Variants in AFDN observed in about 807,000 individuals in gnomAD.
AFDN encodes afadin, adherens junction formation factor, also known as afadin.
A neutral mutation model predicts 216.6 loss-of-function variants in AFDN; 68 were observed. That is an observed-to-expected ratio of 0.31 (90% CI 0.26 to 0.38). The LOEUF (loss-of-function observed/expected upper bound fraction) is 0.38. Among genes scored for constraint, AFDN ranks in the 10% least tolerant of loss-of-function variants. The probability of loss-of-function intolerance (pLI) is 1.00; values close to 1 mark genes in which losing one functional copy is unlikely to be tolerated. For missense variants in AFDN, 2,136 were observed against 2,342.0 expected (o/e 0.91, Z 1.82); for synonymous variants, 868 against 853.7 (o/e 1.02, Z -0.29).
intron 7 of AFDN, among the ~76,000 whole-genome samples, chr6:167,890,607 A>G (rs1335200096): frequency 6.6e-6 from 1 of 151,360 alleles, no homozygotes. Context: ...CAAGCTTATG[A>G]TGTCTTTCGG....
rs185079266 is a variant in AFDN at position 167,862,615 on chromosome 6, T to A, written c.106-1936T>A. ...GTCTCGAACTCCTGATCTCAGGTGA[T>A]CCGCCCACCTCGGCCTCCCGAAGTG... is the stretch of plus-strand genomic sequence containing the variant. On this transcript the variant is annotated intron_variant, in intron 1 of 33. Transcript: ENST00000683244. 4.6e-5 allele frequency among the ~76,000 whole-genome samples: 7 copies of A among 152,340 alleles called. No individual in the cohort carries two copies. The East Asian group carries it at 1.3e-3, about 29-fold the overall frequency.
intron 22 of AFDN, among the ~76,000 whole-genome samples, chr6:167,924,224 C>G (rs1256046840): frequency 6.6e-6 from 1 of 152,174 alleles, no homozygotes; most frequent in Non-Finnish European, 1.5e-5. Flanking sequence ...TGGCAAGGTA[C>G]CTTCCTGCTT....
chr6:167,845,934 C>A (rs979435913), intron 1 of AFDN, among the ~76,000 whole-genome samples: 2 of 152,114 alleles, frequency 1.3e-5, no homozygotes, highest in African/African-American at 4.8e-5. Flanking sequence ...CAAGCACCTT[C>A]TTCACAAGGT....
chr6:167,855,161 G>C (rs1055135576), intron 1 of AFDN, among the ~76,000 whole-genome samples: 4 of 151,836 alleles, frequency 2.6e-5, no homozygotes, highest in African/African-American at 9.7e-5. Context: ...AGGTATTCTA[G>C]TTTACTTAAG....
At chr6:167,926,841 G>A (rs1393633481) in intron 23 of AFDN, among the ~76,000 whole-genome samples, 1 of 152,164 alleles carries the variant, frequency 6.6e-6, no homozygotes, top group Non-Finnish European at 1.5e-5. Context: ...GACTGATTCT[G>A]TAGCATCTTC....
chr6:167,942,218 A>G (rs1371095863), intron 23 of AFDN, among the ~76,000 whole-genome samples: 2 of 152,226 alleles, frequency 1.3e-5, no homozygotes, highest in Non-Finnish European at 2.9e-5. Flanking sequence ...TGAAAATTAC[A>G]TAGCTCCAGG....
chr6:167,889,579 T>TC (rs3214076), intron 7 of AFDN, among the ~76,000 whole-genome samples: 135,947 of 152,194 alleles, frequency 0.89, 60,866 homozygotes, highest in Non-Finnish European at 0.92. Flanking sequence ...GATTACAGGC[T>TC]CCGCCCCCAT....
intron 20 of AFDN, 127 bp from the exon 21 acceptor site, chr6:167,918,608 C>G (rs564115175): frequency 3.0e-5 from 24 of 793,588 alleles, no homozygotes; most frequent in African/African-American, 1.5e-4. Context: ...CTGCGTCTGT[C>G]TGTGTGTGTG....
chr6:167,931,191 G>A (rs1793256767), intron 23 of AFDN, among the ~76,000 whole-genome samples: 1 of 152,224 alleles, frequency 6.6e-6, no homozygotes, highest in Non-Finnish European at 1.5e-5. Flanking sequence ...AGTTGCAGTA[G>A]TGGATGAAAG....
At chr6:167,952,781 A>G (rs1441657478) in intron 30 of AFDN, among the ~76,000 whole-genome samples, 2 of 152,258 alleles carry the variant, frequency 1.3e-5, no homozygotes, top group Non-Finnish European at 2.9e-5. Flanking sequence ...TACAGTCATT[A>G]CCAAAAATAG....
rs1790698393 is a variant in AFDN at position 167,913,742 on chromosome 6, A to G, written c.2058+319A>G. ...GCACATGTGGTCGGGAGAGGATGTG[A>G]TAGATCAGTACTTGATACTGAGTTG... On this transcript the variant is annotated intron_variant, in intron 16 of 33. Transcript: ENST00000683244. The G allele has an allele frequency of 1.8e-5, 8 of 452,018 alleles. No homozygotes were observed. In the South Asian group the frequency reaches 2.4e-4, roughly 14 times the overall value. The allele number at this position is 452,018 out of a possible 1,614,324, so 28.0% of individuals were successfully genotyped here. A position where few individuals can be genotyped will look rare whatever the true frequency, so the allele number is the denominator to read the frequency against.
At chr6:167,851,867 G>A (rs1325487830) in intron 1 of AFDN, among the ~76,000 whole-genome samples, 4 of 152,010 alleles carry the variant, frequency 2.6e-5, no homozygotes, top group Non-Finnish European at 5.9e-5. Context: ...TTGAGTTTTT[G>A]TAGCGCATTT....
chr6:167,918,621 T>C (rs1791404186), intron 20 of AFDN, 114 bp from the exon 21 acceptor site: 7 of 886,958 alleles, frequency 7.9e-6, no homozygotes, highest in Non-Finnish European at 1.1e-5. Context: ...TGTGTGTGTG[T>C]GTGTCTGTGA....
chr6:167,906,366 A>G (rs1789692103), intron 12 of AFDN, among the ~76,000 whole-genome samples: 1 of 152,228 alleles, frequency 6.6e-6, no homozygotes, highest in Non-Finnish European at 1.5e-5. Context: ...AATCCCATTT[A>G]TGGAAAATAT....
intron 6 of AFDN, among the ~76,000 whole-genome samples, chr6:167,881,018 T>C (rs1786038499): frequency 2.0e-5 from 3 of 152,210 alleles, no homozygotes; most frequent in South Asian, 2.1e-4. Flanking sequence ...GAGATTGTGA[T>C]TGGGTTTGCA....
chr6:167,849,427 A>G (rs1198472196), intron 1 of AFDN, among the ~76,000 whole-genome samples: 1 of 151,064 alleles, frequency 6.6e-6, no homozygotes, highest in Non-Finnish European at 1.5e-5. Context: ...ATAGCTAGAA[A>G]TGATAGTACC....
At position 167,951,732 on chromosome 6, in the gene AFDN, C is replaced by G. The variant is rs1193564182; in HGVS notation, c.4378C>G (p.Pro1460Ala). Reference protein sequence around the residue: ...QMRTQSLNPAPFSPLTAQQMK... With the variant: ...QMRTQSLNPAAFSPLTAQQMK... ...GCGCACTCAGTCCTTAAACCCTGCTCCGTTTTCTCCCCTGACTGCACAGCA... is the reference window on the plus strand; with the variant it reads ...GCGCACTCAGTCCTTAAACCCTGCTGCGTTTTCTCCCCTGACTGCACAGCA... Residue 1460 changes from proline to alanine, a missense_variant, in exon 30 of 34, where the codon CCG becomes GCG. This residue lies in a region of AFDN where 981 missense variants were observed against 966.0 expected (regional missense o/e 1.02). Coordinates refer to ENST00000683244, the MANE Select transcript of AFDN (RefSeq NM_001386888.1). This position sits in a 1 kb window ranked among gnomAD's most constrained non-coding sequence, Gnocchi z 7.1. The G allele has an allele frequency of 6.2e-7, 1 of 1,614,036 alleles. No homozygotes were observed. The highest frequency in any genetic ancestry group is 8.5e-7 in the Non-Finnish European group (1 of 1,180,026).
chr6:167,869,846 G>A (rs1784603474), intron 2 of AFDN, among the ~76,000 whole-genome samples: 2 of 152,204 alleles, frequency 1.3e-5, no homozygotes, highest in Non-Finnish European at 2.9e-5. Context: ...GAAGGGAGAG[G>A]TAAGTGTTGA....
chr6:167,950,897 A>T (rs187932188), intron 29 of AFDN, among the ~76,000 whole-genome samples: 2 of 144,584 alleles, frequency 1.4e-5, no homozygotes, highest in African/African-American at 5.2e-5. Context: ...GACAGAGACT[A>T]TGTTACCCAG....
Sources: allele counts gnomAD v4.1 joint callset (sites outside exome capture counted in the v4.1 genomes callset), GRCh38; gene constraint gnomAD v4.1.1; regional missense constraint gnomAD v4.1.1; non-coding constraint Gnocchi (gnomAD v3.1); transcripts MANE v1.5; gene names NCBI Gene and HGNC (gene_info 2026-07-23, HGNC 2026-07-21).